Variants in RTL4 observed in about 807,000 individuals in gnomAD.
The protein encoded by RTL4 is retrotransposon Gag like 4.
A neutral mutation model predicts 5.3 loss-of-function variants in RTL4; 4 were observed. The observed-to-expected ratio is 0.75, with a 90% CI of 0.37 to 1.72. RTL4 has a LOEUF of 1.72. RTL4 is among the 40% of genes most tolerant of loss of function. RTL4 has a pLI of 0.04. For synonymous variants in RTL4, 98 were observed against 87.3 expected (o/e 1.12, Z -0.68); for missense variants, 260 against 227.1 (o/e 1.14, Z -0.93).
the RTL4 span, among the ~76,000 whole-genome samples, chrX:112,180,555 G>A: frequency 2.7e-5 from 3 of 111,604 alleles, no homozygotes; most frequent in East Asian, 8.4e-4. Context: ...TTATTAAATG[G>A]GGTTGGTTCA....
the RTL4 span, among the ~76,000 whole-genome samples, chrX:112,104,673 CTTG>C: frequency 8.9e-6 from 1 of 111,732 alleles, no homozygotes; most frequent in Non-Finnish European, 1.9e-5. Flanking sequence ...TTTTCATGTA[CTTG>C]TTGGCCATTT....
the RTL4 span, among the ~76,000 whole-genome samples, chrX:112,239,481 G>C: frequency 7.2e-5 from 8 of 111,561 alleles, no homozygotes; most frequent in Non-Finnish European, 1.5e-4. Flanking sequence ...TCTGCTTTTC[G>C]CCTTCCTGGT....
chrX:112,418,295 C>T, the RTL4 span, among the ~76,000 whole-genome samples: 7 of 111,877 alleles, frequency 6.3e-5, no homozygotes, highest in African/African-American at 2.3e-4. Context: ...AAATAGGCAT[C>T]GGACATAGAT....
chrX:112,171,602 T>A, the RTL4 span, among the ~76,000 whole-genome samples: 1 of 111,859 alleles, frequency 8.9e-6, no homozygotes, highest in Non-Finnish European at 1.9e-5. Context: ...AGTGGTGATA[T>A]CCCCCTTATC....
chrX:112,314,314 A>G, the RTL4 span, among the ~76,000 whole-genome samples: 1 of 110,853 alleles, frequency 9.0e-6, no homozygotes, highest in African/African-American at 3.3e-5. Flanking sequence ...CTGGGAGTTA[A>G]GTACAACTTC....
At chrX:112,340,620 C>A in the RTL4 span, among the ~76,000 whole-genome samples, 26 of 107,002 alleles carry the variant, frequency 2.4e-4, no homozygotes, top group African/African-American at 8.8e-4. Context: ...GGTAGGGAAA[C>A]CTTTTTAGGC....
chrX:112,434,110 T>G, the RTL4 span, among the ~76,000 whole-genome samples: 1 of 103,983 alleles, frequency 9.6e-6, no homozygotes, highest in African/African-American at 3.5e-5. Context: ...ATAAGCTTTT[T>G]GATGTGCTGC....
At chrX:112,410,925 T>C in the RTL4 span, among the ~76,000 whole-genome samples, 6 of 110,903 alleles carry the variant, frequency 5.4e-5, no homozygotes, top group Middle Eastern at 4.6e-3. Context: ...ACAGAAGATA[T>C]ACAAAATGAA....
At chrX:112,186,816 C>A in the RTL4 span, among the ~76,000 whole-genome samples, 3 of 112,089 alleles carry the variant, frequency 2.7e-5, no homozygotes, top group South Asian at 7.4e-4. Context: ...CCATTTGTCC[C>A]TTTACATCTA....
chrX:112,407,362 G>T, the RTL4 span, among the ~76,000 whole-genome samples: 3 of 111,475 alleles, frequency 2.7e-5, no homozygotes, highest in African/African-American at 9.8e-5. Flanking sequence ...TGGTAGTCTG[G>T]TAGTACTCCC....
At chrX:112,385,987 C>G in the RTL4 span, among the ~76,000 whole-genome samples, 1 of 112,012 alleles carries the variant, frequency 8.9e-6, no homozygotes, top group Non-Finnish European at 1.9e-5. Flanking sequence ...CCTGCAGGTA[C>G]ACAAAGACAT....
At chrX:112,259,482 C>T in the RTL4 span, among the ~76,000 whole-genome samples, 26 of 110,435 alleles carry the variant, frequency 2.4e-4, no homozygotes, top group Non-Finnish European at 3.6e-4. Flanking sequence ...GAATCAAATA[C>T]AATTAGGTTG....
the RTL4 span, among the ~76,000 whole-genome samples, chrX:112,278,495 A>G: frequency 8.9e-6 from 1 of 111,914 alleles, no homozygotes; most frequent in Admixed American, 9.5e-5. Flanking sequence ...TAACCATATA[A>G]TTTATCCTAC....
exon 1 of RTL4, chrX:112,455,840 C>A (rs370167497): frequency 2.3e-6 from 1 of 439,889 alleles, no homozygotes; most frequent in Non-Finnish European, 3.8e-6. Flanking sequence ...TTACCCCTCA[C>A]GAAACCTAAC....
At chrX:112,347,349 C>T in the RTL4 span, among the ~76,000 whole-genome samples, 3 of 111,819 alleles carry the variant, frequency 2.7e-5, no homozygotes, top group African/African-American at 9.7e-5. Context: ...GAAATCATTT[C>T]TTCCTTCTGG....
chrX:112,114,474 C>T, the RTL4 span, among the ~76,000 whole-genome samples: 17 of 111,871 alleles, frequency 1.5e-4, no homozygotes, highest in Admixed American at 4.7e-4. Context: ...CATGTGAGGT[C>T]GAAGCTTTGC....
the RTL4 span, among the ~76,000 whole-genome samples, chrX:112,378,800 CT>C: frequency 8.9e-6 from 1 of 111,907 alleles, no homozygotes; most frequent in East Asian, 2.8e-4. Flanking sequence ...GCTGATTTAG[CT>C]ACTGCCTCTA....
chrX:112,353,773 T>A, the RTL4 span, among the ~76,000 whole-genome samples: 3 of 110,203 alleles, frequency 2.7e-5, no homozygotes, highest in Non-Finnish European at 5.7e-5. Context: ...ACATGGCACA[T>A]GTATACATAT....
the RTL4 span, among the ~76,000 whole-genome samples, chrX:112,115,107 G>T: frequency 9.0e-6 from 1 of 110,704 alleles, no homozygotes; most frequent in Non-Finnish European, 1.9e-5. Flanking sequence ...AACTGCCTGC[G>T]GTTCTGATTT....
Sources: gnomAD v4.1 joint callset for allele counts (sites outside exome capture counted in the v4.1 genomes callset) on GRCh38, gnomAD v4.1.1 for gene constraint, MANE v1.5 for transcripts, NCBI Gene and HGNC (gene_info 2026-07-23, HGNC 2026-07-21) for gene names.